The following DPRX variants were observed in gnomAD, a reference collection of about 807,000 sequenced individuals.
DPRX encodes divergent paired-related homeobox.
DPRX carries 11 observed loss-of-function variants against 8.4 expected under a neutral mutation model. The ratio of observed to expected loss-of-function variants is 1.31; its 90% CI spans 0.82 to 2.17. The LOEUF is 2.17. Ranked by LOEUF, DPRX falls within the 30% of genes most tolerant of loss-of-function variation. DPRX has a pLI of 0.00. For missense variants in DPRX, 211 were observed against 236.7 expected, an observed-to-expected ratio of 0.89 and a Z score of 0.71; for synonymous variants, 72 against 87.0, an observed-to-expected ratio of 0.83 and a Z score of 0.96.
chr19:53,622,141 C>G, the DPRX span, among the ~76,000 whole-genome samples: 1 of 152,146 alleles, frequency 6.6e-6, no homozygotes, highest in Non-Finnish European at 1.5e-5. Flanking sequence ...GAGGAGGCAT[C>G]CCTTGGTCAA....
chr19:53,602,271 T>G, the DPRX span: 35 of 110,486 alleles, frequency 3.2e-4, 1 homozygote, highest in African/African-American at 1.3e-3. Flanking sequence ...GGTATGGGTG[T>G]GTGTGTGTGT....
the DPRX span, among the ~76,000 whole-genome samples, chr19:53,626,302 C>T: frequency 1.3e-5 from 2 of 152,120 alleles, no homozygotes; most frequent in African/African-American, 4.8e-5. Context: ...TGGTCTCACA[C>T]TCCTCACCTC....
At chr19:53,624,757 G>A in the DPRX span, among the ~76,000 whole-genome samples, 77 of 147,886 alleles carry the variant, frequency 5.2e-4, no homozygotes, top group African/African-American at 1.8e-3. Context: ...CACGAGAATC[G>A]CTTGAACCCG....
At chr19:53,617,329 C>A in the DPRX span, 1 of 566,488 alleles carries the variant, frequency 1.8e-6, no homozygotes, top group Non-Finnish European at 3.2e-6. Context: ...GAGGCCGAGG[C>A]GAGCGGATTA....
chr19:53,603,033 G>A, the DPRX span, among the ~76,000 whole-genome samples: 2 of 147,274 alleles, frequency 1.4e-5, no homozygotes, highest in Admixed American at 6.8e-5. Flanking sequence ...ATGTGTGTGT[G>A]TGTGTATATA....
the DPRX span, chr19:53,617,366 C>T: frequency 2.1e-6 from 1 of 476,104 alleles, no homozygotes; most frequent in Non-Finnish European, 3.9e-6. Context: ...CGAGATCAGC[C>T]TGGGCAACAT....
At chr19:53,621,396 G>C in the DPRX span, among the ~76,000 whole-genome samples, 1 of 152,038 alleles carries the variant, frequency 6.6e-6, no homozygotes, top group Non-Finnish European at 1.5e-5. Context: ...GCCTCCCAAA[G>C]TGCTGGGATT....
the DPRX span, among the ~76,000 whole-genome samples, chr19:53,623,310 A>AAATAAATAAAT: frequency 2.3e-4 from 31 of 134,020 alleles, no homozygotes; most frequent in African/African-American, 4.1e-4. Flanking sequence ...CTGTCTCAAA[A>AAATAAATAAAT]AAATAAATAA....
At chr19:53,603,293 G>A in the DPRX span, 161,779 of 452,014 alleles carry the variant, frequency 0.36, 30,678 homozygotes, top group African/African-American at 0.57. Flanking sequence ...CTCCCTACTC[G>A]GCCCCCTGCC....
At chr19:53,625,436 C>T in the DPRX span, among the ~76,000 whole-genome samples, 15 of 152,140 alleles carry the variant, frequency 9.9e-5, no homozygotes, top group Admixed American at 7.2e-4. Flanking sequence ...GCACATCCTT[C>T]GTCTCTTCTC....
chr19:53,601,765 A>G, the DPRX span, among the ~76,000 whole-genome samples: 1 of 152,056 alleles, frequency 6.6e-6, no homozygotes, highest in Non-Finnish European at 1.5e-5. Context: ...TACAGGTGTG[A>G]GCCACCTCAC....
At chr19:53,620,162 C>T in the DPRX span, among the ~76,000 whole-genome samples, 9 of 151,984 alleles carry the variant, frequency 5.9e-5, no homozygotes, top group African/African-American at 1.4e-4. Context: ...CTCCGCCTCC[C>T]GGGTTCAAGC....
At chr19:53,633,260 C>T (rs1375810843) in intron 1 of DPRX, among the ~76,000 whole-genome samples, 2 of 152,136 alleles carry the variant, frequency 1.3e-5, no homozygotes, top group Admixed American at 6.6e-5. Flanking sequence ...TGCCACTGGG[C>T]AACACAGCAG....
At chr19:53,635,089 C>A (rs575126768) in intron 2 of DPRX, among the ~76,000 whole-genome samples, 1 of 152,274 alleles carries the variant, frequency 6.6e-6, no homozygotes, top group East Asian at 1.9e-4. Context: ...CCTACCACCT[C>A]AGCACCCCAA....
chr19:53,616,779 G>A, the DPRX span: 9 of 1,544,074 alleles, frequency 5.8e-6, no homozygotes, highest in East Asian at 2.3e-5. Flanking sequence ...AATAGAGGCC[G>A]AGAATGGCCC....
chr19:53,620,640 C>G, the DPRX span, among the ~76,000 whole-genome samples: 128 of 152,296 alleles, frequency 8.4e-4, 1 homozygote, highest in African/African-American at 2.9e-3. Flanking sequence ...GCTGGGATTA[C>G]AGGTGTGAGC....
At chr19:53,636,816 C>G (rs769091377) in exon 3 of DPRX, 2 of 1,614,134 alleles carry the variant, frequency 1.2e-6, no homozygotes, top group Admixed American at 3.3e-5. Context: ...ATCCTGTACC[C>G]CAACCTCAAG....
chr19:53,618,009 CGGG>C, the DPRX span, among the ~76,000 whole-genome samples: 1 of 151,188 alleles, frequency 6.6e-6, no homozygotes, highest in Non-Finnish European at 1.5e-5. Context: ...GTGGTGGTGG[CGGG>C]GCACCTGTAA....
At chr19:53,612,163 C>A in the DPRX span, among the ~76,000 whole-genome samples, 5 of 151,642 alleles carry the variant, frequency 3.3e-5, no homozygotes, top group African/African-American at 7.3e-5. Context: ...GCAGGAGAAT[C>A]GCTTGAGCCC....
Sources: gnomAD v4.1 joint callset for allele counts (sites outside exome capture counted in the v4.1 genomes callset) on GRCh38, gnomAD v4.1.1 for gene constraint, MANE v1.5 for transcripts, NCBI Gene and HGNC (gene_info 2026-07-23, HGNC 2026-07-21) for gene names.